ARB2A: variants seen among roughly 807,000 people sequenced by gnomAD.
The protein encoded by ARB2A is ARB2 cotranscriptional regulator A, also known as cotranscriptional regulator ARB2A.
At chr5:94,066,270 C>T in the ARB2A span, among the ~76,000 whole-genome samples, 2 of 151,764 alleles carry the variant, frequency 1.3e-5, no homozygotes, top group Admixed American at 6.6e-5. Context: ...TCTAAGGATG[C>T]ACCTCAATGA....
chr5:93,968,367 A>G, the ARB2A span, among the ~76,000 whole-genome samples: 2 of 152,184 alleles, frequency 1.3e-5, no homozygotes, highest in Non-Finnish European at 2.9e-5. Context: ...AGAAACATGG[A>G]AACCAAGATA....
chr5:93,929,552 A>G, the ARB2A span, among the ~76,000 whole-genome samples: 1 of 152,290 alleles, frequency 6.6e-6, no homozygotes, highest in South Asian at 2.1e-4. Flanking sequence ...AGTAAAAAAC[A>G]TTGCTAAAAG....
At chr5:94,093,700 A>C in the ARB2A span, among the ~76,000 whole-genome samples, 1 of 152,204 alleles carries the variant, frequency 6.6e-6, no homozygotes, top group African/African-American at 2.4e-5. Flanking sequence ...CAACAGCCCC[A>C]AAATTCTTAA....
chr5:93,948,785 T>C, the ARB2A span, among the ~76,000 whole-genome samples: 4 of 152,266 alleles, frequency 2.6e-5, no homozygotes, highest in African/African-American at 9.6e-5. Context: ...TCCAGCTCAC[T>C]GCATCTTCAA....
the ARB2A span, among the ~76,000 whole-genome samples, chr5:93,927,959 C>T: frequency 2.6e-5 from 4 of 151,810 alleles, no homozygotes; most frequent in South Asian, 6.2e-4. Context: ...CATCGTAGCT[C>T]AGCTTCAGTT....
chr5:93,727,236 A>G, the ARB2A span, among the ~76,000 whole-genome samples: 1 of 152,092 alleles, frequency 6.6e-6, no homozygotes, highest in African/African-American at 2.4e-5. Context: ...AACTAGGTAT[A>G]GCTATCTCTC....
chr5:93,789,665 C>G, the ARB2A span, among the ~76,000 whole-genome samples: 1 of 152,174 alleles, frequency 6.6e-6, no homozygotes, highest in Non-Finnish European at 1.5e-5. Flanking sequence ...TATCCAAGCC[C>G]ACCTGGTTAC....
the ARB2A span, among the ~76,000 whole-genome samples, chr5:94,005,150 A>G: frequency 6.6e-6 from 1 of 151,622 alleles, no homozygotes; most frequent in Non-Finnish European, 1.5e-5. Context: ...TTTGACCTCA[A>G]TTGGGAAGGT....
the ARB2A span, among the ~76,000 whole-genome samples, chr5:93,932,263 T>TAAAATAAAATAAAAAAAATAA: frequency 6.6e-6 from 1 of 152,268 alleles, no homozygotes; most frequent in African/African-American, 2.4e-5. Context: ...AACCTACTAC[T>TAAAATAAAATAAAAAAAATAA]AAAAAACATT....
At chr5:93,677,913 G>A in the ARB2A span, among the ~76,000 whole-genome samples, 1 of 152,162 alleles carries the variant, frequency 6.6e-6, no homozygotes. Flanking sequence ...TACCCACTGT[G>A]TAGCCGAATG....
chr5:93,670,122 G>A, the ARB2A span, among the ~76,000 whole-genome samples: 1 of 151,782 alleles, frequency 6.6e-6, no homozygotes, highest in East Asian at 1.9e-4. Context: ...GATTATGTTG[G>A]ACACTTCTTC....
chr5:94,066,422 GCACACACACACACACACACACA>G, the ARB2A span, among the ~76,000 whole-genome samples: 60 of 132,516 alleles, frequency 4.5e-4, 1 homozygote, highest in African/African-American at 1.6e-3. Flanking sequence ...GCCAGACTAA[GCACACACACACACACACACACA>G]CACACACACA....
the ARB2A span, among the ~76,000 whole-genome samples, chr5:93,797,200 T>C: frequency 6.6e-6 from 1 of 152,132 alleles, no homozygotes; most frequent in Non-Finnish European, 1.5e-5. Flanking sequence ...ATGAGAGCAC[T>C]GAAAAATTTA....
chr5:94,033,921 GT>G, the ARB2A span, among the ~76,000 whole-genome samples: 1 of 152,196 alleles, frequency 6.6e-6, no homozygotes, highest in African/African-American at 2.4e-5. Flanking sequence ...TCAAGACTGG[GT>G]TATTTCTCAG....
chr5:93,946,320 G>C, the ARB2A span, among the ~76,000 whole-genome samples: 1 of 151,998 alleles, frequency 6.6e-6, no homozygotes, highest in African/African-American at 2.4e-5. Context: ...GAGTCCACAG[G>C]GTTCCAAAAG....
the ARB2A span, among the ~76,000 whole-genome samples, chr5:93,935,489 C>T: frequency 1.3e-5 from 2 of 152,192 alleles, no homozygotes; most frequent in South Asian, 2.1e-4. Context: ...TGCTTATGGG[C>T]ATGCACATTT....
At chr5:93,686,273 TC>T in the ARB2A span, among the ~76,000 whole-genome samples, 1 of 152,188 alleles carries the variant, frequency 6.6e-6, no homozygotes, top group Non-Finnish European at 1.5e-5. Flanking sequence ...GATGCTTCTT[TC>T]TACTCAAGTC....
At chr5:93,990,353 C>T in the ARB2A span, among the ~76,000 whole-genome samples, 87 of 152,006 alleles carry the variant, frequency 5.7e-4, 1 homozygote, top group African/African-American at 2.0e-3. Context: ...TTATTCTCTA[C>T]AATGATAGCA....
the ARB2A span, among the ~76,000 whole-genome samples, chr5:94,014,723 T>C: frequency 6.6e-6 from 1 of 150,504 alleles, no homozygotes; most frequent in African/African-American, 2.4e-5. Flanking sequence ...CAAATGAAAA[T>C]CTTGGAACGG....
Sources: gnomAD v4.1 joint callset for allele counts (sites outside exome capture counted in the v4.1 genomes callset) on GRCh38, gnomAD v4.1.1 for gene constraint, MANE v1.5 for transcripts, NCBI Gene and HGNC (gene_info 2026-07-23, HGNC 2026-07-21) for gene names.